The following DRC11 variants were observed in gnomAD, a reference collection of about 807,000 sequenced individuals.
DRC11 encodes dynein regulatory complex subunit 11, also known as IQ and AAA domain-containing protein 1.
chr2:236,356,984 T>C, the DRC11 span, among the ~76,000 whole-genome samples: 1 of 110,234 alleles, frequency 9.1e-6, no homozygotes, highest in Non-Finnish European at 1.9e-5. Context: ...TATTCATATA[T>C]TATATATCTA....
chr2:236,466,996 C>T, the DRC11 span, among the ~76,000 whole-genome samples: 1 of 152,140 alleles, frequency 6.6e-6, no homozygotes, highest in Admixed American at 6.5e-5. Context: ...TTTGGTAGTT[C>T]CCTTGAGGAA....
chr2:236,416,146 C>A, the DRC11 span, among the ~76,000 whole-genome samples: 3,060 of 152,068 alleles, frequency 0.02, 102 homozygotes, highest in Admixed American at 0.065. Context: ...AGGGAAGCAG[C>A]CCTGGGCAGA....
the DRC11 span, among the ~76,000 whole-genome samples, chr2:236,426,333 T>C: frequency 6.6e-6 from 1 of 152,034 alleles, no homozygotes. The surrounding 1 kb of genome is among the most constrained non-coding windows in gnomAD (Gnocchi z 4.1). Flanking sequence ...GCATGTTTTG[T>C]AGGTTTCAAT....
the DRC11 span, among the ~76,000 whole-genome samples, chr2:236,311,732 G>C: frequency 6.6e-6 from 1 of 151,746 alleles, no homozygotes; most frequent in Non-Finnish European, 1.5e-5. This position sits in a 1 kb window ranked among gnomAD's most constrained non-coding sequence, Gnocchi z 6.9. Context: ...GTGTGTGTGT[G>C]TGTGTTGGGG....
the DRC11 span, chr2:236,332,732 T>C: frequency 6.6e-6 from 1 of 152,190 alleles, no homozygotes. This position sits in a 1 kb window ranked among gnomAD's most constrained non-coding sequence, Gnocchi z 5.1. Flanking sequence ...ATAATGTAAC[T>C]ATGAACCAAG....
the DRC11 span, among the ~76,000 whole-genome samples, chr2:236,464,807 T>C: frequency 6.6e-6 from 1 of 151,946 alleles, no homozygotes; most frequent in African/African-American, 2.4e-5. Context: ...TCTGGTTGTT[T>C]AAAAGTATGT....
chr2:236,474,375 G>T, the DRC11 span, among the ~76,000 whole-genome samples: 1 of 152,168 alleles, frequency 6.6e-6, no homozygotes, highest in African/African-American at 2.4e-5. Context: ...TTAAAAGCAT[G>T]TAATTCTATC....
the DRC11 span, among the ~76,000 whole-genome samples, chr2:236,424,625 CCA>C: frequency 6.6e-6 from 1 of 152,114 alleles, no homozygotes; most frequent in African/African-American, 2.4e-5. Flanking sequence ...ACTAACATGT[CCA>C]TCACCTTACA....
chr2:236,331,552 C>G, the DRC11 span: 1 of 1,613,970 alleles, frequency 6.2e-7, no homozygotes, highest in Non-Finnish European at 8.5e-7. This position sits in a 1 kb window ranked among gnomAD's most constrained non-coding sequence, Gnocchi z 4.8. Flanking sequence ...ATTCAAGGCA[C>G]TGGTGAGGAC....
chr2:236,319,400 G>A, the DRC11 span, among the ~76,000 whole-genome samples: 1 of 152,242 alleles, frequency 6.6e-6, no homozygotes, highest in Non-Finnish European at 1.5e-5. This position sits in a 1 kb window ranked among gnomAD's most constrained non-coding sequence, Gnocchi z 6.7. Context: ...CAGCTGGGAT[G>A]AAGCCTGAGT....
At chr2:236,359,916 G>T in the DRC11 span, among the ~76,000 whole-genome samples, 1 of 152,124 alleles carries the variant, frequency 6.6e-6, no homozygotes, top group East Asian at 1.9e-4. The surrounding 1 kb of genome is among the most constrained non-coding windows in gnomAD (Gnocchi z 4.3). Context: ...ACATGAAGTG[G>T]CCCAGGTGGG....
chr2:236,319,450 A>C, the DRC11 span, among the ~76,000 whole-genome samples: 4 of 152,200 alleles, frequency 2.6e-5, no homozygotes, highest in Non-Finnish European at 4.4e-5. The surrounding 1 kb of genome is among the most constrained non-coding windows in gnomAD (Gnocchi z 6.7). Context: ...ACTAGAGTTG[A>C]CTGAAGAGAC....
chr2:236,376,290 C>T, the DRC11 span, among the ~76,000 whole-genome samples: 1 of 152,208 alleles, frequency 6.6e-6, no homozygotes, highest in Non-Finnish European at 1.5e-5. The surrounding 1 kb of genome is among the most constrained non-coding windows in gnomAD (Gnocchi z 5.7). Flanking sequence ...GGAAACTGTT[C>T]CTGACGGAAG....
At chr2:236,424,626 C>CTGGGGTTTTCCTTTTTCTTTTTCAAA in the DRC11 span, among the ~76,000 whole-genome samples, 12 of 150,440 alleles carry the variant, frequency 8.0e-5, no homozygotes, top group African/African-American at 3.0e-4. Flanking sequence ...CTAACATGTC[C>CTGGGGTTTTCCTTTTTCTTTTTCAAA]ATCACCTTAC....
At chr2:236,368,281 TC>T in the DRC11 span, 1 of 1,601,780 alleles carries the variant, frequency 6.2e-7, no homozygotes, top group Admixed American at 1.7e-5. Context: ...CGAAGAGTAG[TC>T]CCCAGGTAGC....
chr2:236,422,424 C>A, the DRC11 span, among the ~76,000 whole-genome samples: 4 of 152,076 alleles, frequency 2.6e-5, no homozygotes. Flanking sequence ...AACAGAGAGC[C>A]AAATCATGAG....
chr2:236,358,068 A>G, the DRC11 span, among the ~76,000 whole-genome samples: 99 of 120,532 alleles, frequency 8.2e-4, 1 homozygote, highest in South Asian at 5.6e-3. Flanking sequence ...TTATATGAAT[A>G]TATATTTATA....
chr2:236,459,624 C>CGTATATACGTAT, the DRC11 span, among the ~76,000 whole-genome samples: 1 of 82,644 alleles, frequency 1.2e-5, no homozygotes, highest in Non-Finnish European at 2.8e-5. Context: ...TAAGTATATA[C>CGTATATACGTAT]ATACGTATAT....
the DRC11 span, chr2:236,324,908 G>C: frequency 1.5e-6 from 1 of 657,284 alleles, no homozygotes; most frequent in South Asian, 1.9e-5. This position sits in a 1 kb window ranked among gnomAD's most constrained non-coding sequence, Gnocchi z 5.7. Flanking sequence ...GGGCATTTAA[G>C]GTATGCTTGA....
Sources: allele counts gnomAD v4.1 joint callset (sites outside exome capture counted in the v4.1 genomes callset), GRCh38; gene constraint gnomAD v4.1.1; non-coding constraint Gnocchi (gnomAD v3.1); transcripts MANE v1.5; gene names NCBI Gene and HGNC (gene_info 2026-07-23, HGNC 2026-07-21).